SPTAN1: variants seen among roughly 807,000 people sequenced by gnomAD.
The protein encoded by SPTAN1 is spectrin alpha chain, non-erythrocytic 1.
SPTAN1 carries 61 observed loss-of-function variants against 331.3 expected under a neutral mutation model. The ratio of observed to expected loss-of-function variants is 0.18; its 90% CI spans 0.15 to 0.23. SPTAN1 has a LOEUF of 0.23. Among genes scored for constraint, SPTAN1 ranks in the 10% least tolerant of loss-of-function variants. The pLI is 1.00. For missense variants in SPTAN1, 2,043 were observed against 3,147.9 expected (o/e 0.65, Z 8.40); for synonymous variants, 1,153 against 1,173.9 (o/e 0.98, Z 0.36).
intron 19 of SPTAN1, among the ~76,000 whole-genome samples, chr9:128,586,222 G>GCCTCGGGCTCAAGCA (rs1852618017): frequency 6.7e-6 from 1 of 148,448 alleles, no homozygotes; most frequent in Non-Finnish European, 1.5e-5. Context: ...GGGCTCAAGC[G>GCCTCGGGCTCAAGCA]ATCCTCCTGC....
intron 43 of SPTAN1, among the ~76,000 whole-genome samples, chr9:128,618,325 T>TACATGTTTCTGTATGAGTCCAGAATCAC (rs1857429092): frequency 6.6e-6 from 1 of 152,106 alleles, no homozygotes; most frequent in Non-Finnish European, 1.5e-5. Flanking sequence ...TCCAGAATCA[T>TACATGTTTCTGTATGAGTCCAGAATCAC]ACATGTTTCT....
At chr9:128,581,207 A>T (rs1851899540) in intron 11 of SPTAN1, 148 bp downstream of exon 11, 1 of 1,113,434 alleles carries the variant, frequency 9.0e-7, no homozygotes, top group Non-Finnish European at 1.3e-6. Context: ...AGCTTCTCTC[A>T]GCTCTGCCAG....
intron 1 of SPTAN1, among the ~76,000 whole-genome samples, chr9:128,555,625 T>TCC (rs1424335673): frequency 0.14 from 20,851 of 144,916 alleles, 2,245 homozygotes; most frequent in East Asian, 0.42. Context: ...AAAGCCTTTT[T>TCC]TTTTTTTTTT....
At chr9:128,554,302 T>C (rs1848424757) in intron 1 of SPTAN1, among the ~76,000 whole-genome samples, 1 of 152,172 alleles carries the variant, frequency 6.6e-6, no homozygotes, top group Non-Finnish European at 1.5e-5. Flanking sequence ...AGTAACTGAT[T>C]CTCTGATATG....
chr9:128,588,979 G>A (rs373460078), intron 21 of SPTAN1, 36 bp downstream of exon 21: 404 of 1,611,518 alleles, frequency 2.5e-4, no homozygotes, highest in Non-Finnish European at 3.2e-4. Context: ...TTTGTTCCAC[G>A]CTGGCACCTC....
At position 128,581,017 on chromosome 9, in the gene SPTAN1, C is replaced by T; in HGVS notation, c.1419C>T (p.Tyr473=). ...YEQCMDLQLF[Y]RDTEQVDNWM... is the part of the protein sequence containing the mutation. Reference sequence around the variant, plus strand: ...AGTGCATGGACCTGCAGCTCTTCTACCGGGACACTGAGCAGGTGGACAACT... The same window carrying T: ...AGTGCATGGACCTGCAGCTCTTCTATCGGGACACTGAGCAGGTGGACAACT... The change falls in exon 11 of 57, where the codon TAC becomes TAT. Residue 473 remains tyrosine (Y), a synonymous_variant. Transcript: ENST00000372739. 1.2e-6 allele frequency: 2 copies of T among 1,614,088 alleles called. No individual in the cohort carries two copies. The highest frequency in any genetic ancestry group is 1.1e-5 in the South Asian group (1 of 91,084).
chr9:128,579,010 A>G (rs1564215031), intron 9 of SPTAN1, among the ~76,000 whole-genome samples: 3 of 152,192 alleles, frequency 2.0e-5, no homozygotes, highest in Non-Finnish European at 4.4e-5. Context: ...AAAAGAGTGT[A>G]AGACACTTCT....
rs750333664 is a variant in SPTAN1, at chr9:128,625,185, C to A, written c.6069+6C>A. 1 of 1,614,012 alleles carries A rather than the reference C, an allele frequency of 6.2e-7. No individual in the cohort carries two copies. The highest frequency in any genetic ancestry group is 8.5e-7 in the Non-Finnish European group (1 of 1,179,900). ...AGACGCTCCTCACCAAACAGGTCTG[C>A]CCTGGCCCCTTCACTGGTTGAAATG... On this transcript the variant is annotated splice_donor_region_variant and intron_variant, in intron 47 of 56. Transcript: ENST00000372739. The surrounding 1 kb of genome is among the most constrained non-coding windows in gnomAD (Gnocchi z 4.1).
intron 21 of SPTAN1, among the ~76,000 whole-genome samples, chr9:128,590,385 A>G (rs2131296875): frequency 1.3e-5 from 2 of 152,136 alleles, no homozygotes; most frequent in East Asian, 3.9e-4. Context: ...GGCTAGTACA[A>G]CTGGGTGTTT....
chr9:128,609,601 G>A (rs747907795), intron 36 of SPTAN1, 50 bp from the exon 37 acceptor site: 20 of 1,455,150 alleles, frequency 1.4e-5, no homozygotes, highest in East Asian at 9.8e-5. Flanking sequence ...GCTGATATGT[G>A]TGTCCACATC....
intron 31 of SPTAN1, among the ~76,000 whole-genome samples, chr9:128,606,641 G>T (rs1218995987): frequency 6.6e-6 from 1 of 151,462 alleles, no homozygotes; most frequent in Non-Finnish European, 1.5e-5. Flanking sequence ...GCACCACCAA[G>T]CCCGGCTAAT....
chr9:128,571,798 A>C (rs1850759307), intron 3 of SPTAN1, among the ~76,000 whole-genome samples: 1 of 152,134 alleles, frequency 6.6e-6, no homozygotes. Flanking sequence ...TTGATAGATG[A>C]CTGAACTGGA....
rs780419601 is a variant in SPTAN1, at chr9:128,568,807, A to G, written c.273A>G (p.Glu91=). ...KLQKHQAFEA[E]VQANSGAIVK... The stretch of plus-strand genomic sequence containing the variant: ...AGAAGCATCAAGCATTTGAAGCTGA[A>G]GTGCAGGCCAACTCAGGAGCCATTG... Residue 91 remains glutamate, a synonymous_variant, in exon 3 of 57, where the codon GAA becomes GAG. Coordinates refer to ENST00000372739, the MANE Select transcript of SPTAN1 (RefSeq NM_001130438.3). 2 of 1,614,190 alleles carry G rather than the reference A, an allele frequency of 1.2e-6. No individual in the cohort carries two copies. The highest frequency in any genetic ancestry group is 2.2e-5 in the South Asian group (2 of 91,082).
In SPTAN1 at chr9:128,633,560, C is replaced by G; in HGVS notation, c.*226C>G. 1 of 1,066,422 alleles carries G rather than the reference C, an allele frequency of 9.4e-7. No individual in the cohort carries two copies. The allele number at this position is 1,066,422 out of a possible 1,614,324, so 66.1% of individuals were successfully genotyped here. ...CTTGAAGCAGCTGCCCTCATTCCGACTTCAGAAAATCGAAGCAGCTGGCTC... is the reference window on the plus strand; with the variant it reads ...CTTGAAGCAGCTGCCCTCATTCCGAGTTCAGAAAATCGAAGCAGCTGGCTC... On this transcript the variant is annotated 3_prime_UTR_variant, in exon 57 of 57. Transcript: ENST00000372739.
intron 51 of SPTAN1, 51 bp from the exon 52 acceptor site, chr9:128,630,268 GCT>G (rs1427714752): frequency 3.8e-6 from 6 of 1,596,212 alleles, no homozygotes; most frequent in Non-Finnish European, 5.2e-6. Context: ...TTCATTCTGA[GCT>G]CTCGGCCAGC....
In SPTAN1 at chr9:128,617,986, G is replaced by C; in HGVS notation, c.5479-1G>C. On this transcript the variant is annotated splice_acceptor_variant, in intron 42 of 56. Transcript: ENST00000372739. LOFTEE classifies it high-confidence loss of function. Reference sequence around the variant, plus strand: ...TTAACCTCCTCGTCCTTGCCTGTCAGGGTGTCCTGGACACTGGCAAGAAGC... The same window carrying C: ...TTAACCTCCTCGTCCTTGCCTGTCACGGTGTCCTGGACACTGGCAAGAAGC... 1 of 1,614,176 alleles carries C rather than the reference G, an allele frequency of 6.2e-7. No homozygotes were observed. Among genetic ancestry groups the C allele is most frequent in the Non-Finnish European group, 8.5e-7 (1 of 1,180,034 alleles).
intron 1 of SPTAN1, among the ~76,000 whole-genome samples, chr9:128,554,685 G>A (rs1848455539): frequency 6.6e-6 from 1 of 152,228 alleles, no homozygotes; most frequent in Admixed American, 6.5e-5. Flanking sequence ...CATATCAGCT[G>A]CGGCTGTACT....
rs757456517 is a variant in SPTAN1 at position 128,574,977 on chromosome 9, T to TCTCTAG, written c.504+162_504+163insCTCTAG. Among the ~76,000 whole-genome samples, 3,923 of 152,312 alleles carry TCTCTAG rather than the reference T, an allele frequency of 0.026. 76 individuals carry two copies. The highest frequency in any genetic ancestry group is 0.048 in the Middle Eastern group (14 of 294). The stretch of plus-strand genomic sequence containing the variant: ...TCTCCAGCTGCTCTCTAGGTGTATG[T>TCTCTAG]GCTATTCTGTAACTCTGAAGCCTGG... On this transcript the variant is annotated intron_variant, in intron 4 of 56. Transcript: ENST00000372739.
At chr9:128,608,394 T>G (rs1042998925) in intron 34 of SPTAN1, 118 bp downstream of exon 34, 30 of 1,263,052 alleles carry the variant, frequency 2.4e-5, no homozygotes, top group Non-Finnish European at 2.9e-5. Context: ...AAGAAAAATA[T>G]GTACATAAAT....
Sources: gnomAD v4.1 joint callset for allele counts (sites outside exome capture counted in the v4.1 genomes callset) on GRCh38, gnomAD v4.1.1 for gene constraint, Gnocchi (gnomAD v3.1) non-coding constraint, MANE v1.5 for transcripts, NCBI Gene and HGNC (gene_info 2026-07-23, HGNC 2026-07-21) for gene names.